The following FRMPD4 variants were observed in gnomAD, a reference collection of about 807,000 sequenced individuals.
The protein encoded by FRMPD4 is FERM and PDZ domain containing 4.
In FRMPD4, 22 loss-of-function variants were observed where a neutral mutation model predicts 94.1. The observed-to-expected ratio is 0.23, with a 90% CI of 0.17 to 0.33. The LOEUF is 0.33. FRMPD4 is among the 10% of genes least tolerant of loss of function. The pLI, the probability that FRMPD4 is intolerant of heterozygous loss-of-function variation, is 1.00. For synonymous variants in FRMPD4, 631 were observed against 548.6 expected (o/e 1.15, Z -2.10); for missense variants, 1,111 against 1,339.9 (o/e 0.83, Z 2.67).
chrX:12,044,038 A>AT (rs1359752240), intron 3 of FRMPD4, among the ~76,000 whole-genome samples: 1 of 111,779 alleles, frequency 8.9e-6, no homozygotes, highest in East Asian at 2.8e-4. Flanking sequence ...ATTTGAATTA[A>AT]TTTTTTACCA....
chrX:12,721,256 T>G lies in FRMPD4; in HGVS notation c.4687T>G (p.Ser1563Ala). ...GCAACGAGGGGAGCTATCCAGAGGGTCAGTGCTGAAGGTCTGGGCAGAAGA... is the reference window on the plus strand; with the variant it reads ...GCAACGAGGGGAGCTATCCAGAGGGGCAGTGCTGAAGGTCTGGGCAGAAGA... ...QKQRGELSRGSVLKVWAEDLR... is the reference protein window; with the variant it reads ...QKQRGELSRGAVLKVWAEDLR... The change falls in exon 17 of 17, where the codon TCA becomes GCA. Residue 1563 changes from serine (S) to alanine (A), a missense_variant. By Grantham distance (99) the Ser-to-Ala change is moderately conservative. Coordinates refer to ENST00000675598, the MANE Select transcript of FRMPD4 (RefSeq NM_001368397.1). The G allele has an allele frequency of 1.3e-6, 1 of 755,845 alleles. No homozygotes were observed. Among genetic ancestry groups the G allele is most frequent in the South Asian group, 6.7e-5 (1 of 14,873 alleles). The allele number at this position is 755,845 out of a possible 1,213,427, so 62.3% of individuals were successfully genotyped here. A position where few individuals can be genotyped will look rare whatever the true frequency, so the allele number is the denominator to read the frequency against.
chrX:12,488,493 A>G (rs1315362083), intron 1 of FRMPD4, among the ~76,000 whole-genome samples: 2 of 111,909 alleles, frequency 1.8e-5, no homozygotes, highest in African/African-American at 6.5e-5. Context: ...TTGAAATACC[A>G]TTCCTCCAAA....
chrX:12,237,436 TC>T (rs772275397), intron 1 of FRMPD4, among the ~76,000 whole-genome samples: 1 of 112,319 alleles, frequency 8.9e-6, no homozygotes, highest in East Asian at 2.8e-4. Flanking sequence ...TGAACAAATA[TC>T]TTCCATATTC....
At position 11,841,006 on chromosome X, in the gene FRMPD4, G is replaced by C. The variant is rs1327262278; in HGVS notation, c.-161+18291G>C. ...GAGAATATGCGGTGTTTGGTTTTTT[G>C]TTCTTGCGATAGTTTACTGAGAATG... is the stretch of plus-strand genomic sequence containing the variant. On this transcript the variant is annotated intron_variant, in intron 1 of 18. Transcript: ENST00000640291. 3.8e-5 allele frequency among the ~76,000 whole-genome samples: 4 copies of C among 104,756 alleles called. No individual in the cohort carries two copies. The Admixed American group carries it at 4.3e-4, about 11-fold the overall frequency. The allele number at this position is 104,756 out of a possible 115,157, so 91.0% of individuals were successfully genotyped here.
In FRMPD4 at chrX:12,417,579, C is replaced by CA. The variant is rs33972789; in HGVS notation, c.42-81083dup. Among the ~76,000 whole-genome samples, 646 of 64,761 alleles carry CA rather than the reference C, an allele frequency of 1.0e-2. 11 individuals are homozygous for CA. The highest frequency in any genetic ancestry group is 0.025 in the African/African-American group (410 of 16,310). 56.2% of individuals were successfully genotyped at this position (64,761 alleles called of 115,157 possible). A position where few individuals can be genotyped will look rare whatever the true frequency, so the allele number is the denominator to read the frequency against. Reference sequence around the variant, plus strand: ...GGGGGACAAGAGCAAGACTTCATCTCAAAAAAAAAAAAAAAAAATTAGTTT... The same window carrying CA: ...GGGGGACAAGAGCAAGACTTCATCTCAAAAAAAAAAAAAAAAAAATTAGTTT... On this transcript the variant is annotated intron_variant, in intron 1 of 16. Transcript: ENST00000675598.
At chrX:12,226,704 G>A (rs781262325) in intron 1 of FRMPD4, among the ~76,000 whole-genome samples, 36 of 110,920 alleles carry the variant, frequency 3.2e-4, no homozygotes, top group African/African-American at 1.1e-3. Context: ...ACATGAAGAG[G>A]CCCAGATGGA....
chrX:12,635,287 G>A (rs995147352), intron 4 of FRMPD4, among the ~76,000 whole-genome samples: 2 of 112,014 alleles, frequency 1.8e-5, no homozygotes, highest in Non-Finnish European at 3.8e-5. Context: ...ACTCAAAAGA[G>A]TGTCGGGTGG....
intron 2 of FRMPD4, among the ~76,000 whole-genome samples, chrX:12,553,707 C>T (rs2058565346): frequency 9.2e-6 from 1 of 108,658 alleles, no homozygotes; most frequent in African/African-American, 3.4e-5. Context: ...TGTGGTTTTG[C>T]CCTGATTCTC....
At chrX:11,827,347 T>C (rs1052436645) in intron 1 of FRMPD4, among the ~76,000 whole-genome samples, 4 of 108,834 alleles carry the variant, frequency 3.7e-5, no homozygotes, top group African/African-American at 1.3e-4. Context: ...GGTGACTTAG[T>C]TTAGTTTAGT....
intron 2 of FRMPD4, among the ~76,000 whole-genome samples, chrX:12,512,160 T>A (rs969702507): frequency 5.3e-5 from 6 of 112,639 alleles, no homozygotes; most frequent in Non-Finnish European, 9.4e-5. Flanking sequence ...AATTAAGGTG[T>A]GTACATTGTT....
At chrX:12,407,477 A>AAAAT (rs1213722266) in intron 1 of FRMPD4, among the ~76,000 whole-genome samples, 1 of 112,060 alleles carries the variant, frequency 8.9e-6, no homozygotes, top group African/African-American at 3.2e-5. Context: ...CTCTATCTGC[A>AAAAT]AAATAGGCAT....
intron 16 of FRMPD4, 155 bp from the exon 17 acceptor site, chrX:12,720,379 G>A: frequency 2.1e-6 from 1 of 472,881 alleles, no homozygotes; most frequent in Non-Finnish European, 3.7e-6. Context: ...GAGATATCAA[G>A]AGGCAGTCTT....
chrX:12,216,408 TAGCCCC>T (rs1428662556), intron 1 of FRMPD4, among the ~76,000 whole-genome samples: 29 of 111,909 alleles, frequency 2.6e-4, no homozygotes, highest in African/African-American at 9.1e-4. Flanking sequence ...CTTTTTTGAC[TAGCCCC>T]AGAAATCACG....
At chrX:12,466,531 T>C (rs1395719283) in intron 1 of FRMPD4, among the ~76,000 whole-genome samples, 1 of 112,469 alleles carries the variant, frequency 8.9e-6, no homozygotes, top group African/African-American at 3.2e-5. Flanking sequence ...GCCCAGAAGT[T>C]TTTTTCCTAT....
chrX:12,499,746 A>G (rs1048905554), intron 2 of FRMPD4, among the ~76,000 whole-genome samples: 1 of 112,253 alleles, frequency 8.9e-6, no homozygotes. Context: ...TTGTGTGGAT[A>G]GGCCACATTT....
intron 11 of FRMPD4, among the ~76,000 whole-genome samples, chrX:12,706,234 A>C (rs2041872571): frequency 8.9e-6 from 1 of 112,396 alleles, no homozygotes; most frequent in Non-Finnish European, 1.9e-5. Context: ...TTAATAAAAC[A>C]GAGCCTTATT....
intron 1 of FRMPD4, among the ~76,000 whole-genome samples, chrX:12,381,124 C>T (rs936092555): frequency 3.6e-5 from 4 of 111,953 alleles, no homozygotes; most frequent in Admixed American, 9.5e-5. Flanking sequence ...ATCTGTCTGA[C>T]GTCTGTGATG....
At chrX:12,578,438 CATG>C (rs1371400637) in intron 2 of FRMPD4, among the ~76,000 whole-genome samples, 68 of 111,354 alleles carry the variant, frequency 6.1e-4, no homozygotes, top group African/African-American at 2.1e-3. Context: ...TTGAGGTGAT[CATG>C]ATATTGAACT....
intron 2 of FRMPD4, among the ~76,000 whole-genome samples, chrX:12,507,232 T>C (rs2057994916): frequency 8.9e-6 from 1 of 112,330 alleles, no homozygotes; most frequent in Admixed American, 9.4e-5. Context: ...AGATAAATAC[T>C]TTTCTTCCCC....
Sources: allele counts gnomAD v4.1 joint callset (sites outside exome capture counted in the v4.1 genomes callset), GRCh38; gene constraint gnomAD v4.1.1; transcripts MANE v1.5; gene names NCBI Gene and HGNC (gene_info 2026-07-23, HGNC 2026-07-21).